Variants in RCC2 observed in about 807,000 individuals in gnomAD.
RCC2 encodes regulator of chromosome condensation 2, also known as protein RCC2.
In RCC2, 19 loss-of-function variants were observed where a neutral mutation model predicts 64.1. The ratio of observed to expected loss-of-function variants is 0.30; its 90% confidence interval spans 0.21 to 0.44. RCC2 has a LOEUF of 0.44. RCC2 is among the 20% of genes least tolerant of loss of function. The pLI, the probability that RCC2 is intolerant of heterozygous loss-of-function variation, is 1.00. For missense variants in RCC2, 508 were observed against 710.4 expected, an observed-to-expected ratio of 0.72 and a Z score of 3.24; for synonymous variants, 325 against 279.6, an observed-to-expected ratio of 1.16 and a Z score of -1.62.
intron 3 of RCC2, 26 bp downstream of exon 3, chr1:17,429,080 G>A (rs1438726729): frequency 6.4e-7 from 1 of 1,567,752 alleles, no homozygotes; most frequent in East Asian, 2.2e-5. Flanking sequence ...AGCACTCAAT[G>A]GGTTTTTGAG....
At chr1:17,437,937 C>A (rs1402041861) in intron 2 of RCC2, among the ~76,000 whole-genome samples, 2 of 145,304 alleles carry the variant, frequency 1.4e-5, no homozygotes, top group Non-Finnish European at 3.1e-5. Context: ...GCCATGACCC[C>A]CTCGTGCGGG....
intron 4 of RCC2, among the ~76,000 whole-genome samples, chr1:17,423,070 C>A (rs368329131): frequency 6.6e-6 from 1 of 152,216 alleles, no homozygotes; most frequent in Admixed American, 6.5e-5. Flanking sequence ...CGGGACCACC[C>A]GTGCACACCT....
rs368567416 is a variant in RCC2, at chr1:17,422,224, G to A, written c.723C>T (p.Asp241=). Residue 241 remains aspartate, a synonymous_variant, in exon 6 of 13, where the codon GAC becomes GAT. Transcript: ENST00000375436. ...TCACCTGCGCGGGGCTGGGAACAGC[G>A]TCTGTCTGGTTGCCAAGGCCCAGCT... ...MGQLGLGNQT[D]AVPSPAQIMY... The A allele has an allele frequency of 9.6e-5, 155 of 1,612,120 alleles. 1 individual carries two copies. The highest frequency in any genetic ancestry group is 1.5e-4 in the South Asian group (14 of 90,990).
At chr1:17,438,935 G>T (rs1235329433) in intron 1 of RCC2, among the ~76,000 whole-genome samples, 1 of 152,178 alleles carries the variant, frequency 6.6e-6, no homozygotes, top group Non-Finnish European at 1.5e-5. Flanking sequence ...CACCTGGGTG[G>T]TAAGGGAGCC....
intron 2 of RCC2, among the ~76,000 whole-genome samples, chr1:17,435,726 G>A: frequency 6.6e-6 from 1 of 152,186 alleles, no homozygotes; most frequent in South Asian, 2.1e-4. Context: ...AGACCAGCCT[G>A]GCCAACGTGG....
At chr1:17,427,867 C>T (rs2075634287) in intron 3 of RCC2, among the ~76,000 whole-genome samples, 1 of 152,154 alleles carries the variant, frequency 6.6e-6, no homozygotes, top group Non-Finnish European at 1.5e-5. Context: ...AAACGCCCTG[C>T]AGCAGTCCCA....
chr1:17,415,235 C>A (rs1309760279), intron 8 of RCC2, among the ~76,000 whole-genome samples: 1 of 152,214 alleles, frequency 6.6e-6, no homozygotes, highest in African/African-American at 2.4e-5. Context: ...TAGCCCAATT[C>A]CCTGGGCATT....
chr1:17,423,682 G>A lies in RCC2; in HGVS notation c.524-846C>T, dbSNP rs551792767. ...CAAGTTCCAAAACAAAAATTCAACCGGCCACTCTCGGATCCCTCCCGATAA... is the reference window on the plus strand; with the variant it reads ...CAAGTTCCAAAACAAAAATTCAACCAGCCACTCTCGGATCCCTCCCGATAA... On this transcript the variant is annotated intron_variant, in intron 4 of 12. Transcript: ENST00000375436. Among the ~76,000 whole-genome samples the A allele has an allele frequency of 1.4e-4, 22 of 152,312 alleles. No individual in the cohort carries two copies. In the East Asian group the frequency reaches 3.5e-3, roughly 24 times the overall value.
chr1:17,420,999 T>C (rs545658903), intron 6 of RCC2, among the ~76,000 whole-genome samples, 171 bp from the exon 7 acceptor site: 11 of 152,108 alleles, frequency 7.2e-5, no homozygotes, highest in Non-Finnish European at 1.5e-4. Context: ...GCTTAGAAGA[T>C]ATGTAAAGAA....
At chr1:17,433,336 C>T (rs2075703032) in intron 2 of RCC2, among the ~76,000 whole-genome samples, 1 of 152,238 alleles carries the variant, frequency 6.6e-6, no homozygotes. Flanking sequence ...CACCCCTTCT[C>T]ACTTAAGGGG....
At chr1:17,413,014 T>C (rs767813905) in intron 10 of RCC2, 59 bp downstream of exon 10, 113 of 1,294,078 alleles carry the variant, frequency 8.7e-5, no homozygotes, top group Non-Finnish European at 1.1e-5. Flanking sequence ...CCCATGGGTG[T>C]GTCTGACACC....
At position 17,438,386 on chromosome 1, in the gene RCC2, A is replaced by G. The variant is rs2075766321; in HGVS notation, c.129T>C (p.Ser43=). The G allele has an allele frequency of 8.0e-7, 1 of 1,255,962 alleles. No homozygotes were observed. Among genetic ancestry groups the G allele is most frequent in the East Asian group, 3.3e-5 (1 of 30,406 alleles). 77.8% of individuals were successfully genotyped at this position (1,255,962 alleles called of 1,614,324 possible). A position where few individuals can be genotyped will look rare whatever the true frequency, so the allele number is the denominator to read the frequency against. The change falls in exon 2 of 13, where the codon AGT becomes AGC. Residue 43 remains serine, a synonymous_variant. Coordinates refer to ENST00000375436, the MANE Select transcript of RCC2 (RefSeq NM_018715.4). ...CGCTGCTGCCGCCGCCGCTGCTGCT[A>G]CTGCAGCGCTCGGGCCGCTCGCGCT... is the stretch of plus-strand genomic sequence containing the variant. The part of the protein sequence containing the change: ...GRKRERPERC[S]SSSGGGSSGD...
At chr1:17,418,395 G>A (rs1158571374) in intron 7 of RCC2, among the ~76,000 whole-genome samples, 3 of 152,024 alleles carry the variant, frequency 2.0e-5, no homozygotes, top group Admixed American at 6.5e-5. Flanking sequence ...GCGGTGGCTC[G>A]CGCCTGTAAT....
Position 17,431,981 on chromosome 1 carries a change from G to A in RCC2, c.286-2782C>T, listed in dbSNP as rs181075074. Among the ~76,000 whole-genome samples the A allele has an allele frequency of 7.8e-4, 118 of 152,126 alleles. 1 individual carries two copies. Among genetic ancestry groups the A allele is most frequent in the African/African-American group, 2.7e-3 (114 of 41,506 alleles). ...CGGGTGTCTGTAATCCCAGCTACTT[G>A]GGAAGCTGAGGCAAGAGAATCGCTT... On this transcript the variant is annotated intron_variant, in intron 2 of 12. Coordinates refer to ENST00000375436, the MANE Select transcript of RCC2 (RefSeq NM_018715.4).
chr1:17,431,341 A>AG (rs2075673880), intron 2 of RCC2, among the ~76,000 whole-genome samples: 3 of 52,760 alleles, frequency 5.7e-5, no homozygotes, highest in African/African-American at 2.2e-4. Flanking sequence ...CTCAAAAAAA[A>AG]AAAAAAAAAA....
intron 11 of RCC2, 50 bp downstream of exon 11, chr1:17,412,072 C>A (rs2075433176): frequency 1.9e-6 from 3 of 1,541,866 alleles, no homozygotes; most frequent in Admixed American, 1.7e-5. Flanking sequence ...AGGCCATGAG[C>A]CACCCTGACT....
intron 2 of RCC2, among the ~76,000 whole-genome samples, chr1:17,431,359 A>ATAAAAATATATAT (rs1265674393): frequency 0.014 from 619 of 44,936 alleles, 83 homozygotes; most frequent in Middle Eastern, 0.05. Flanking sequence ...AAAAAAAAAA[A>ATAAAAATATATAT]ATATATATAT....
intron 2 of RCC2, among the ~76,000 whole-genome samples, chr1:17,430,273 T>C (rs901889443): frequency 2.0e-5 from 3 of 152,024 alleles, no homozygotes; most frequent in African/African-American, 7.2e-5. Context: ...TCCCAGCACT[T>C]TGGAAGGCCG....
intron 11 of RCC2, among the ~76,000 whole-genome samples, chr1:17,411,649 G>T (rs910488270): frequency 1.3e-5 from 2 of 151,740 alleles, no homozygotes; most frequent in Admixed American, 1.3e-4. Context: ...TTTGCGGAAG[G>T]CCACGTGTGT....
Sources: gnomAD v4.1 joint callset for allele counts (sites outside exome capture counted in the v4.1 genomes callset) on GRCh38, gnomAD v4.1.1 for gene constraint, MANE v1.5 for transcripts, NCBI Gene and HGNC (gene_info 2026-07-23, HGNC 2026-07-21) for gene names.